TRPM5: variants seen among roughly 807,000 people sequenced by gnomAD.
TRPM5 encodes the protein MLSN1 and TRP-related.
A neutral mutation model predicts 124.9 loss-of-function variants in TRPM5; 121 were observed. That is an observed-to-expected ratio of 0.97 (90% CI 0.84 to 1.13). The LOEUF (loss-of-function observed/expected upper bound fraction) is 1.13. Ranked by LOEUF, TRPM5 falls within the 50% of genes most tolerant of loss-of-function variation. The pLI, the probability that TRPM5 is intolerant of heterozygous loss-of-function variation, is 0.00. For synonymous variants in TRPM5, 781 were observed against 700.5 expected (o/e 1.11, Z -1.81); for missense variants, 1,643 against 1,589.1 (o/e 1.03, Z -0.58).
upstream of TRPM5, chr11:2,423,131 C>A: frequency 9.9e-7 from 1 of 1,008,326 alleles, no homozygotes; most frequent in Non-Finnish European, 1.5e-6. Context: ...TCTGCTTTCC[C>A]CTGGGAAGCC....
At chr11:2,412,390 G>T (rs1850470639) in intron 15 of TRPM5, 137 bp from the exon 21 acceptor site, 33 of 627,460 alleles carry the variant, frequency 5.3e-5, no homozygotes, top group Non-Finnish European at 7.0e-5. Flanking sequence ...GGGACTAGGG[G>T]TCCACTGAAG....
the TRPM5 span, among the ~76,000 whole-genome samples, chr11:2,441,179 G>T: frequency 7.2e-5 from 11 of 152,184 alleles, no homozygotes; most frequent in African/African-American, 2.4e-4. This position sits in a 1 kb window ranked among gnomAD's most constrained non-coding sequence, Gnocchi z 7.2. Flanking sequence ...GACAGCCAGG[G>T]CTGGACATGT....
chr11:2,407,034 C>G, intron 20 of TRPM5, 85 bp downstream of exon 25: 1 of 1,429,712 alleles, frequency 7.0e-7, no homozygotes, highest in South Asian at 1.5e-5. Context: ...CCAGGTCTCT[C>G]CAGACCTGCC....
exon 18 of TRPM5, chr11:2,411,370 G>T: frequency 6.2e-7 from 1 of 1,605,692 alleles, no homozygotes. Flanking sequence ...TCGTCCAGTG[G>T]GATCTGGCCG....
chr11:2,419,912 G>A (rs994466362), intron 4 of TRPM5, among the ~76,000 whole-genome samples: 10 of 151,332 alleles, frequency 6.6e-5, no homozygotes, highest in South Asian at 2.1e-4. Context: ...TTAGAGTCCC[G>A]GAGCCTCTGA....
chr11:2,418,829 A>G (rs1213687469), intron 4 of TRPM5, among the ~76,000 whole-genome samples: 1 of 152,190 alleles, frequency 6.6e-6, no homozygotes, highest in Non-Finnish European at 1.5e-5. Flanking sequence ...CAGCTGGCAT[A>G]TGGCTGTTAA....
the TRPM5 span, among the ~76,000 whole-genome samples, chr11:2,444,309 T>C: frequency 6.6e-6 from 1 of 151,332 alleles, no homozygotes; most frequent in South Asian, 2.1e-4. Context: ...GGACATCCCT[T>C]TCCTCCCCCC....
chr11:2,404,112 C>A (rs1273280082), downstream of TRPM5, among the ~76,000 whole-genome samples: 1 of 152,184 alleles, frequency 6.6e-6, no homozygotes, highest in Non-Finnish European at 1.5e-5. Flanking sequence ...ACAGAATCTG[C>A]CCTCCCCCAA....
the TRPM5 span, among the ~76,000 whole-genome samples, chr11:2,438,578 G>T: frequency 1.3e-5 from 2 of 152,082 alleles, no homozygotes; most frequent in Non-Finnish European, 2.9e-5. This position sits in a 1 kb window ranked among gnomAD's most constrained non-coding sequence, Gnocchi z 5.9. Flanking sequence ...AAGGTGGGAG[G>T]ATCACCTAAG....
chr11:2,442,909 G>T, the TRPM5 span, among the ~76,000 whole-genome samples: 5 of 152,212 alleles, frequency 3.3e-5, no homozygotes, highest in African/African-American at 1.2e-4. This position sits in a 1 kb window ranked among gnomAD's most constrained non-coding sequence, Gnocchi z 5.9. Flanking sequence ...CTATAGGACT[G>T]TCTGGCAGGT....
chr11:2,408,291 C>A (rs1850365755), intron 18 of TRPM5, among the ~76,000 whole-genome samples: 1 of 152,160 alleles, frequency 6.6e-6, no homozygotes, highest in Non-Finnish European at 1.5e-5. Flanking sequence ...TGTGTTAAAA[C>A]CTCCACCCCT....
the TRPM5 span, among the ~76,000 whole-genome samples, chr11:2,431,139 AGAG>A: frequency 6.6e-6 from 1 of 152,038 alleles, no homozygotes; most frequent in Non-Finnish European, 1.5e-5. Context: ...CCTCATCCTG[AGAG>A]GAGAAGCAGA....
In TRPM5 at chr11:2,422,412, G is replaced by T. The variant is rs146098908; in HGVS notation, c.118-91C>A. 1.9e-4 allele frequency: 205 copies of T among 1,102,028 alleles called. 1 individual carries two copies. In the East Asian group the frequency reaches 5.5e-3, roughly 29 times the overall value. The allele number at this position is 1,102,028 out of a possible 1,614,324, so 68.3% of individuals were successfully genotyped here. On this transcript the variant is annotated intron_variant, in intron 1 of 23. Coordinates refer to ENST00000155858, the Ensembl canonical transcript of TRPM5. Reference sequence around the variant, plus strand: ...GGGGGCTGGACACAAGGGGGCACTGGGGAGGTGCTGAGCATGGGGGGACAC... The same window carrying T: ...GGGGGCTGGACACAAGGGGGCACTGTGGAGGTGCTGAGCATGGGGGGACAC...
At chr11:2,416,745 C>T (rs961323324) in intron 7 of TRPM5, among the ~76,000 whole-genome samples, 1 of 152,236 alleles carries the variant, frequency 6.6e-6, no homozygotes, top group African/African-American at 2.4e-5. Flanking sequence ...TTAGCAGTGC[C>T]TCTCCCTGCT....
rs1316050744 is a variant in TRPM5, at chr11:2,422,130, T to TTGCGGGGACAGTCAG, written c.298+10_298+11insCTGACTGTCCCCGCA. 1 of 1,579,482 alleles carries TTGCGGGGACAGTCAG rather than the reference T, an allele frequency of 6.3e-7. No individual in the cohort carries two copies. The highest frequency in any genetic ancestry group is 1.4e-5 in the African/African-American group (1 of 73,314). On this transcript the variant is annotated intron_variant, in intron 2 of 23. Coordinates refer to ENST00000155858, the Ensembl canonical transcript of TRPM5. ...GGGTGGGAGCGCTGCCTGTGCCGGG[T>TTGCGGGGACAGTCAG]GGGGCCTCACCTGTGCTCTGAGCCG...
chr11:2,413,142 C>T, exon 14 of TRPM5: 2 of 1,553,414 alleles, frequency 1.3e-6, no homozygotes, highest in Non-Finnish European at 1.7e-6. Flanking sequence ...ACCGGCTCTG[C>T]AGGCCATACA....
chr11:2,432,116 G>T, the TRPM5 span, among the ~76,000 whole-genome samples: 1 of 152,206 alleles, frequency 6.6e-6, no homozygotes, highest in African/African-American at 2.4e-5. Context: ...CAGACACTGG[G>T]CCGGGGCTCC....
intron 2 of TRPM5, 116 bp downstream of exon 7, chr11:2,422,025 G>C (rs1434552637): frequency 9.3e-7 from 1 of 1,075,692 alleles, no homozygotes; most frequent in South Asian, 1.7e-5. Context: ...GGGACAGTCA[G>C]GGGGTCTGGC....
the TRPM5 span, among the ~76,000 whole-genome samples, chr11:2,428,111 C>T: frequency 6.6e-6 from 1 of 152,018 alleles, no homozygotes; most frequent in Non-Finnish European, 1.5e-5. This position sits in a 1 kb window ranked among gnomAD's most constrained non-coding sequence, Gnocchi z 4.0. Flanking sequence ...GGGATTGGAT[C>T]CTGCATAGCT....
Sources: allele counts gnomAD v4.1 joint callset (sites outside exome capture counted in the v4.1 genomes callset), GRCh38; gene constraint gnomAD v4.1.1; non-coding constraint Gnocchi (gnomAD v3.1); transcripts MANE v1.5; gene names NCBI Gene and HGNC (gene_info 2026-07-23, HGNC 2026-07-21).